The following EPB41 variants were observed in gnomAD, a reference collection of about 807,000 sequenced individuals.
The protein encoded by EPB41 is erythrocyte membrane protein band 4.1, also known as protein 4.1.
Under a neutral mutation model 108.0 loss-of-function variants are expected in EPB41, and 65 were observed. The ratio of observed to expected loss-of-function variants is 0.60; its 90% CI spans 0.49 to 0.74. EPB41 has a LOEUF of 0.74. Ranked by LOEUF, EPB41 falls within the 30% of genes least tolerant of loss-of-function variation. The pLI, the probability that EPB41 is intolerant of heterozygous loss-of-function variation, is 0.00. For synonymous variants in EPB41, 336 were observed against 358.9 expected, an observed-to-expected ratio of 0.94 and a Z score of 0.72; for missense variants, 875 against 1,037.0, an observed-to-expected ratio of 0.84 and a Z score of 2.15.
intron 16 of EPB41, chr1:29,097,092 C>G (rs1663473737): frequency 1.3e-5 from 2 of 152,944 alleles, no homozygotes; most frequent in Admixed American, 1.3e-4. Flanking sequence ...ATCATAGGCA[C>G]TGATTTCCTA....
At chr1:29,035,416 A>G (rs769702028) in intron 9 of EPB41, among the ~76,000 whole-genome samples, 3 of 152,192 alleles carry the variant, frequency 2.0e-5, no homozygotes, top group Non-Finnish European at 2.9e-5. Context: ...CTATTGCATA[A>G]TAATATTGAT....
chr1:28,977,532 G>A (rs907741145), intron 1 of EPB41, among the ~76,000 whole-genome samples: 3 of 151,870 alleles, frequency 2.0e-5, no homozygotes, highest in East Asian at 1.9e-4. Flanking sequence ...ACGGTAACTC[G>A]TCACTTTTTC....
chr1:28,972,327 T>G (rs146278737), intron 1 of EPB41, among the ~76,000 whole-genome samples: 1 of 152,240 alleles, frequency 6.6e-6, no homozygotes, highest in South Asian at 2.1e-4. Context: ...ATTGATCCAG[T>G]AGTGTATTTT....
chr1:29,095,035 A>G (rs1662697367), intron 16 of EPB41, among the ~76,000 whole-genome samples: 1 of 152,246 alleles, frequency 6.6e-6, no homozygotes, highest in African/African-American at 2.4e-5. Context: ...GAACAATGAC[A>G]AGAAAAAAGT....
In EPB41 at chr1:29,011,296, C is replaced by T. The variant is rs182260906; in HGVS notation, c.787-569C>T. On this transcript the variant is annotated intron_variant, in intron 4 of 20. Transcript: ENST00000343067. ...AGGAGAATTGCTTGAACCCACGAGG[C>T]GGAGGTTGCAGTGAGCTGAGATTGT... 8.5e-4 allele frequency among the ~76,000 whole-genome samples: 128 copies of T among 150,816 alleles called. 3 individuals carry two copies. Among genetic ancestry groups the T allele is most frequent in the East Asian group, 7.6e-3 (39 of 5,112 alleles).
chr1:29,017,708 A>G (rs920728605), intron 6 of EPB41, among the ~76,000 whole-genome samples: 1 of 152,156 alleles, frequency 6.6e-6, no homozygotes, highest in African/African-American at 2.4e-5. Context: ...TGGCATAGCA[A>G]TGTGATAGAA....
chr1:29,047,763 AATTT>A (rs1573044893), intron 11 of EPB41, among the ~76,000 whole-genome samples: 3 of 151,620 alleles, frequency 2.0e-5, no homozygotes, highest in African/African-American at 7.3e-5. Context: ...GTAAATTGAC[AATTT>A]ATGTATGTAT....
intron 17 of EPB41, among the ~76,000 whole-genome samples, chr1:29,102,248 C>A (rs1665672832): frequency 6.6e-6 from 1 of 152,078 alleles, no homozygotes; most frequent in Admixed American, 6.6e-5. Context: ...TAAGGTAATT[C>A]TGTGTGGCCT....
chr1:29,107,203 A>C (rs1480807009), intron 17 of EPB41, among the ~76,000 whole-genome samples: 2 of 152,044 alleles, frequency 1.3e-5, no homozygotes, highest in African/African-American at 4.8e-5. Context: ...AAATAAATAA[A>C]AATTTAAAAA....
chr1:28,907,714 G>A (rs1005882159), intron 1 of EPB41, among the ~76,000 whole-genome samples: 27 of 152,032 alleles, frequency 1.8e-4, no homozygotes, highest in African/African-American at 5.8e-4. Flanking sequence ...CCAGGCTCCA[G>A]TGATCCTCCC....
intron 11 of EPB41, among the ~76,000 whole-genome samples, chr1:29,044,565 G>A (rs916068395): frequency 1.3e-5 from 2 of 152,122 alleles, no homozygotes; most frequent in Non-Finnish European, 2.9e-5. Flanking sequence ...ATATTGGCTG[G>A]ATGTGGTGGC....
intron 1 of EPB41, among the ~76,000 whole-genome samples, chr1:28,975,846 C>T (rs2095592141): frequency 6.9e-6 from 1 of 144,558 alleles, no homozygotes; most frequent in Middle Eastern, 3.6e-3. Context: ...CGGGCTGAGG[C>T]AGGAGAATGG....
chr1:28,892,594 A>T, intron 1 of EPB41, among the ~76,000 whole-genome samples: 1 of 151,980 alleles, frequency 6.6e-6, no homozygotes, highest in East Asian at 1.9e-4. Context: ...ATGCGCCTAT[A>T]ATCCCAGCTA....
At chr1:29,000,219 C>T (rs931938364) in intron 4 of EPB41, among the ~76,000 whole-genome samples, 5 of 152,218 alleles carry the variant, frequency 3.3e-5, no homozygotes, top group African/African-American at 1.2e-4. Context: ...CTGCCTCAGC[C>T]TCCCAAGTAG....
chr1:29,045,117 A>AT (rs1277409270), intron 11 of EPB41, among the ~76,000 whole-genome samples: 1 of 152,084 alleles, frequency 6.6e-6, no homozygotes, highest in African/African-American at 2.4e-5. Flanking sequence ...GTAGAATCAG[A>AT]TTTTCTATTT....
intron 1 of EPB41, chr1:28,893,955 G>A (rs892002868): frequency 6.6e-6 from 1 of 152,248 alleles, no homozygotes; most frequent in Non-Finnish European, 1.5e-5. Context: ...GAAATGCTGA[G>A]AGAGGGCACT....
intron 7 of EPB41, among the ~76,000 whole-genome samples, chr1:29,019,145 A>G (rs1468332100): frequency 2.0e-5 from 3 of 152,186 alleles, no homozygotes; most frequent in African/African-American, 4.8e-5. Flanking sequence ...GCTGACCACA[A>G]TGGCTCGCAC....
At chr1:28,892,341 A>G (rs1156925590) in intron 1 of EPB41, among the ~76,000 whole-genome samples, 1 of 152,144 alleles carries the variant, frequency 6.6e-6, no homozygotes, top group Non-Finnish European at 1.5e-5. Flanking sequence ...TGTTACATGT[A>G]TTGACCCATG....
chr1:28,895,265 A>G (rs755815877), intron 1 of EPB41, among the ~76,000 whole-genome samples: 1 of 152,004 alleles, frequency 6.6e-6, no homozygotes, highest in Non-Finnish European at 1.5e-5. Flanking sequence ...CATGTGTATT[A>G]TTGCCATTTA....
Sources: allele counts gnomAD v4.1 joint callset (sites outside exome capture counted in the v4.1 genomes callset), GRCh38; gene constraint gnomAD v4.1.1; transcripts MANE v1.5; gene names NCBI Gene and HGNC (gene_info 2026-07-23, HGNC 2026-07-21).